BACH2: variants seen among roughly 807,000 people sequenced by gnomAD.
BACH2 encodes the protein BACH transcriptional regulator 2, also known as transcription regulator protein BACH2.
A neutral mutation model predicts 61.8 loss-of-function variants in BACH2; 5 were observed. The observed-to-expected ratio is 0.08, with a 90% confidence interval of 0.04 to 0.17. BACH2 has a LOEUF of 0.17. Among genes scored for constraint, BACH2 ranks in the 10% least tolerant of loss-of-function variants. The pLI is 1.00. For missense variants in BACH2, 824 were observed against 1,091.1 expected (o/e 0.76, Z 3.45); for synonymous variants, 446 against 440.1 (o/e 1.01, Z -0.17).
chr6:90,225,688 A>C (rs1769889859), intron 3 of BACH2, among the ~76,000 whole-genome samples: 1 of 152,218 alleles, frequency 6.6e-6, no homozygotes, highest in African/African-American at 2.4e-5. Flanking sequence ...TGATAGGTTG[A>C]TAGGTGCAGC....
intron 3 of BACH2, chr6:90,217,981 C>T (rs1375520927): frequency 6.6e-6 from 1 of 152,028 alleles, no homozygotes; most frequent in Admixed American, 6.6e-5. Flanking sequence ...TTACCTACCG[C>T]AATTATGGTA....
intron 1 of BACH2, among the ~76,000 whole-genome samples, chr6:90,292,918 T>C (rs538563376): frequency 6.6e-6 from 1 of 152,362 alleles, no homozygotes; most frequent in South Asian, 2.1e-4. Flanking sequence ...CCAGTAGTCC[T>C]ACCAACTGTT....
chr6:90,173,447 A>G (rs951467300), intron 4 of BACH2, among the ~76,000 whole-genome samples: 2 of 152,184 alleles, frequency 1.3e-5, no homozygotes, highest in African/African-American at 4.8e-5. Context: ...CAAACAAACG[A>G]AAAACCTGTG....
At chr6:90,073,564 G>A (rs1458268798) in intron 5 of BACH2, among the ~76,000 whole-genome samples, 2 of 152,180 alleles carry the variant, frequency 1.3e-5, no homozygotes, top group African/African-American at 4.8e-5. Flanking sequence ...CCTTTGGCCA[G>A]TTAACACATG....
rs1774153209 is a variant in BACH2 at position 89,951,911 on chromosome 6, T to C, written c.244-49A>G. The C allele has an allele frequency of 2.5e-6, 4 of 1,574,938 alleles. No individual in the cohort carries two copies. The highest frequency in any genetic ancestry group is 3.5e-6 in the Non-Finnish European group (4 of 1,156,772). On this transcript the variant is annotated intron_variant, in intron 6 of 8. Coordinates refer to ENST00000257749, the MANE Select transcript of BACH2 (RefSeq NM_021813.4). This position sits in a 1 kb window ranked among gnomAD's most constrained non-coding sequence, Gnocchi z 6.4. ...CCAACATTACCATCAGCACTGCTAT[T>C]GTCCCGAATCCCTCAACTGAAGCAA... is the stretch of plus-strand genomic sequence containing the variant.
At chr6:90,089,397 G>A (rs1264946818) in intron 4 of BACH2, among the ~76,000 whole-genome samples, 1 of 151,886 alleles carries the variant, frequency 6.6e-6, no homozygotes, top group African/African-American at 2.4e-5. Context: ...TGCAGCCTAG[G>A]AGATAGGTCC....
At chr6:90,164,294 A>G (rs545218724) in intron 4 of BACH2, among the ~76,000 whole-genome samples, 1 of 152,358 alleles carries the variant, frequency 6.6e-6, no homozygotes, top group African/African-American at 2.4e-5. Context: ...ATCTCTACGC[A>G]AAAAACTTGA....
At chr6:90,295,984 G>A (rs565686667) in intron 1 of BACH2, among the ~76,000 whole-genome samples, 218 of 152,176 alleles carry the variant, frequency 1.4e-3, no homozygotes, top group African/African-American at 4.7e-3. Context: ...TGCGCACGCC[G>A]AGGGTTAAGG....
chr6:89,991,990 A>G (rs1314479815), intron 6 of BACH2, among the ~76,000 whole-genome samples: 2 of 152,088 alleles, frequency 1.3e-5, no homozygotes, highest in South Asian at 2.1e-4. Context: ...AAGTCTGCTG[A>G]TTTTCATCTT....
chr6:89,951,149 G>GGTA lies in BACH2; in HGVS notation c.954_956dup (p.Thr319dup), dbSNP rs1251005673. On this transcript the variant is annotated inframe_insertion, in exon 7 of 9. Coordinates refer to ENST00000257749, the MANE Select transcript of BACH2 (RefSeq NM_021813.4). This position sits in a 1 kb window ranked among gnomAD's most constrained non-coding sequence, Gnocchi z 6.4. ...AGGCGGCCCCAGCTGGGGCCGTGGG[G>GGTA]GTAGGGGCAGGGCTGGGCTGTTTCC... The GGTA allele has an allele frequency of 6.2e-7, 1 of 1,612,756 alleles. No individual in the cohort carries two copies. Among genetic ancestry groups the GGTA allele is most frequent in the Non-Finnish European group, 8.5e-7 (1 of 1,179,696 alleles).
chr6:90,296,231 C>T (rs1772376976), intron 1 of BACH2, among the ~76,000 whole-genome samples: 1 of 152,116 alleles, frequency 6.6e-6, no homozygotes, highest in Admixed American at 6.5e-5. Flanking sequence ...CCGTAAACAG[C>T]CGGGAGGGAG....
intron 3 of BACH2, among the ~76,000 whole-genome samples, chr6:90,241,322 G>A (rs1044744435): frequency 1.3e-5 from 2 of 151,912 alleles, no homozygotes; most frequent in African/African-American, 4.8e-5. Flanking sequence ...AAAATCAACC[G>A]CTCACTTAAA....
intron 4 of BACH2, among the ~76,000 whole-genome samples, chr6:90,099,401 C>A (rs1304414259): frequency 6.6e-6 from 1 of 150,664 alleles, no homozygotes; most frequent in Non-Finnish European, 1.5e-5. Context: ...TTTTTTTAGA[C>A]AGGGTCTTGC....
intron 3 of BACH2, among the ~76,000 whole-genome samples, chr6:90,252,108 A>G (rs531019217): frequency 8.5e-5 from 13 of 152,346 alleles, no homozygotes; most frequent in Admixed American, 8.5e-4. Flanking sequence ...AGCCAGCCTG[A>G]GCAAACATGA....
At chr6:90,153,325 T>C (rs1562476851) in intron 4 of BACH2, among the ~76,000 whole-genome samples, 1 of 152,158 alleles carries the variant, frequency 6.6e-6, no homozygotes, top group African/African-American at 2.4e-5. Context: ...TCACTGTATA[T>C]CTAAGATCCA....
At position 90,211,275 on chromosome 6, in the gene BACH2, G is replaced by A. The variant is rs537276641; in HGVS notation, c.-274-4594C>T. 5.3e-5 allele frequency among the ~76,000 whole-genome samples: 8 copies of A among 152,200 alleles called. No homozygotes were observed. In the South Asian group the frequency reaches 1.7e-3, roughly 32 times the overall value. On this transcript the variant is annotated intron_variant, in intron 3 of 8. Coordinates refer to ENST00000257749, the MANE Select transcript of BACH2 (RefSeq NM_021813.4). ...ACTCAGAGATAGGTTTGGTAACATGGCCAAGTGCCCCTCACCAGCCAGGTC... is the reference window on the plus strand; with the variant it reads ...ACTCAGAGATAGGTTTGGTAACATGACCAAGTGCCCCTCACCAGCCAGGTC...
intron 5 of BACH2, among the ~76,000 whole-genome samples, chr6:90,045,747 T>C (rs1343316899): frequency 6.6e-6 from 1 of 152,188 alleles, no homozygotes; most frequent in Non-Finnish European, 1.5e-5. Flanking sequence ...AAAAGGATGG[T>C]GATGCAAGAG....
chr6:90,134,312 G>A (rs1784203059), intron 4 of BACH2, among the ~76,000 whole-genome samples: 1 of 152,164 alleles, frequency 6.6e-6, no homozygotes, highest in Non-Finnish European at 1.5e-5. Flanking sequence ...TCAAACACAT[G>A]ACTTCGCTTT....
intron 6 of BACH2, among the ~76,000 whole-genome samples, chr6:90,000,892 C>G (rs1207336207): frequency 1.3e-5 from 2 of 152,160 alleles, no homozygotes; most frequent in African/African-American, 4.8e-5. Flanking sequence ...GGTTCTCTCC[C>G]TTCCTGGCCA....
Sources: gnomAD v4.1 joint callset for allele counts (sites outside exome capture counted in the v4.1 genomes callset) on GRCh38, gnomAD v4.1.1 for gene constraint, Gnocchi (gnomAD v3.1) non-coding constraint, MANE v1.5 for transcripts, NCBI Gene and HGNC (gene_info 2026-07-23, HGNC 2026-07-21) for gene names.